ZBTB20: variants seen among roughly 807,000 people sequenced by gnomAD.
ZBTB20 encodes zinc finger and BTB domain-containing protein 20.
A neutral mutation model predicts 56.9 loss-of-function variants in ZBTB20; 9 were observed. That is an observed-to-expected ratio of 0.16 (90% CI 0.10 to 0.28). ZBTB20 has a LOEUF of 0.28. ZBTB20 is among the 10% of genes least tolerant of loss of function. The pLI is 1.00. For synonymous variants in ZBTB20, 417 were observed against 420.7 expected (o/e 0.99, Z 0.11); for missense variants, 655 against 1,003.0 (o/e 0.65, Z 4.69).
intron 6 of ZBTB20, among the ~76,000 whole-genome samples, chr3:114,544,352 G>A (rs1432760649): frequency 3.3e-5 from 5 of 151,668 alleles, no homozygotes; most frequent in African/African-American, 1.2e-4. Context: ...AGATAAAAAG[G>A]CACATAACCT....
intron 3 of ZBTB20, among the ~76,000 whole-genome samples, chr3:114,912,178 T>C (rs2075568932): frequency 6.8e-6 from 1 of 146,952 alleles, no homozygotes; most frequent in Admixed American, 6.8e-5. Flanking sequence ...CCACAAAAGC[T>C]GTCCTTCAAA....
intron 6 of ZBTB20, among the ~76,000 whole-genome samples, chr3:114,637,116 G>A (rs1013275220): frequency 6.6e-6 from 1 of 152,072 alleles, no homozygotes; most frequent in East Asian, 1.9e-4. Context: ...TAACAAGAAA[G>A]TGATTAATTC....
chr3:114,421,518 T>C (rs1172593239), intron 7 of ZBTB20, among the ~76,000 whole-genome samples: 1 of 152,170 alleles, frequency 6.6e-6, no homozygotes, highest in African/African-American at 2.4e-5. Flanking sequence ...AAAACTTTTG[T>C]ACTGGGTCAT....
At chr3:114,474,548 C>T (rs540192916) in intron 7 of ZBTB20, among the ~76,000 whole-genome samples, 5 of 152,216 alleles carry the variant, frequency 3.3e-5, no homozygotes, top group Admixed American at 6.5e-5. Context: ...TCTCCAAGCC[C>T]GGCCCTTCTG....
chr3:114,647,207 C>G (rs2059895186), intron 6 of ZBTB20, among the ~76,000 whole-genome samples: 1 of 152,180 alleles, frequency 6.6e-6, no homozygotes, highest in South Asian at 2.1e-4. Context: ...ATCCACCCGC[C>G]TTGGCCTCCC....
At chr3:114,699,435 T>C (rs559252247) in intron 5 of ZBTB20, among the ~76,000 whole-genome samples, 1 of 152,016 alleles carries the variant, frequency 6.6e-6, no homozygotes, top group East Asian at 1.9e-4. Context: ...TTTTCTTGGT[T>C]AAACAGTTTT....
intron 6 of ZBTB20, chr3:114,624,202 C>CCCG (rs2058509095): frequency 6.6e-6 from 1 of 152,008 alleles, no homozygotes; most frequent in Admixed American, 6.6e-5. Flanking sequence ...TGTTAAGCTC[C>CCCG]CTGCTCTGAT....
At chr3:115,063,681 ACAAACAC>A (rs1560539094) in intron 2 of ZBTB20, among the ~76,000 whole-genome samples, 31 of 151,028 alleles carry the variant, frequency 2.1e-4, no homozygotes, top group Middle Eastern at 3.4e-3. Flanking sequence ...ACACACACAC[ACAAACAC>A]ACACACACAG....
At chr3:114,892,233 T>G (rs893811753) in intron 4 of ZBTB20, among the ~76,000 whole-genome samples, 1 of 152,222 alleles carries the variant, frequency 6.6e-6, no homozygotes, top group Non-Finnish European at 1.5e-5. Flanking sequence ...TCCGTCTTGC[T>G]AAGGAAGTGT....
rs569488750 is a variant in ZBTB20, at chr3:114,333,780, G to C, written c.*5225C>G. 1 of 152,126 alleles carries C rather than the reference G, an allele frequency of 6.6e-6. No individual in the cohort carries two copies. Among genetic ancestry groups the C allele is most frequent in the Non-Finnish European group, 1.5e-5 (1 of 68,020 alleles). The allele number at this position is 152,126 out of a possible 1,614,324, so 9.4% of individuals were successfully genotyped here. On this transcript the variant is annotated 3_prime_UTR_variant, in exon 12 of 12. Coordinates refer to ENST00000675478, the MANE Select transcript of ZBTB20 (RefSeq NM_001348800.3). ...GAAATCACTGAAAAGAGAGTCTGTC[G>C]ACCCTGCCCATGGAAAAGCCCAGAG...
At chr3:114,800,105 A>G (rs538429307) in intron 5 of ZBTB20, among the ~76,000 whole-genome samples, 2 of 152,068 alleles carry the variant, frequency 1.3e-5, no homozygotes, top group South Asian at 4.1e-4. Context: ...CTCTTAGCGA[A>G]AGAACTTGCA....
At chr3:114,925,019 C>G (rs1179245260) in intron 3 of ZBTB20, among the ~76,000 whole-genome samples, 1 of 120,158 alleles carries the variant, frequency 8.3e-6, no homozygotes, top group Non-Finnish European at 1.6e-5. Flanking sequence ...AAGTCTTGCT[C>G]TGTCGCCAGG....
At chr3:114,487,608 C>G (rs1488860806) in intron 7 of ZBTB20, among the ~76,000 whole-genome samples, 1 of 152,172 alleles carries the variant, frequency 6.6e-6, no homozygotes, top group African/African-American at 2.4e-5. Context: ...CAGCTTTGTA[C>G]AACTCCTGAC....
At chr3:114,831,437 G>A (rs2073839527) in intron 4 of ZBTB20, among the ~76,000 whole-genome samples, 1 of 151,866 alleles carries the variant, frequency 6.6e-6, no homozygotes, top group South Asian at 2.1e-4. Flanking sequence ...AGTTAATGTG[G>A]CTCTTGTGAA....
chr3:114,408,858 C>T (rs905710154), intron 7 of ZBTB20, among the ~76,000 whole-genome samples: 2 of 152,118 alleles, frequency 1.3e-5, no homozygotes, highest in Non-Finnish European at 2.9e-5. Flanking sequence ...GAAGGAGCTC[C>T]TCTCTAGCTG....
At chr3:114,412,507 C>T (rs1488900058) in intron 7 of ZBTB20, among the ~76,000 whole-genome samples, 1 of 152,130 alleles carries the variant, frequency 6.6e-6, no homozygotes, top group East Asian at 1.9e-4. Flanking sequence ...GAAGGGATTT[C>T]TCACCGGGAT....
At position 114,328,138 on chromosome 3, in the gene ZBTB20, C is replaced by G. The variant is rs1300971536; in HGVS notation, c.*10867G>C. On this transcript the variant is annotated 3_prime_UTR_variant, in exon 12 of 12. Transcript: ENST00000675478. ...TATATTAAGTTTATGTTTAGGCAATCTCTGGTTGCAAAAACAGACACTTTC... is the reference window on the plus strand; with the variant it reads ...TATATTAAGTTTATGTTTAGGCAATGTCTGGTTGCAAAAACAGACACTTTC... The G allele has an allele frequency of 6.6e-6, 1 of 152,110 alleles. No homozygotes were observed. The highest frequency in any genetic ancestry group is 1.5e-5 in the Non-Finnish European group (1 of 68,012). The allele number at this position is 152,110 out of a possible 1,614,324, so 9.4% of individuals were successfully genotyped here. A position where few individuals can be genotyped will look rare whatever the true frequency, so the allele number is the denominator to read the frequency against.
chr3:114,687,172 A>G (rs1244262359), intron 6 of ZBTB20: 1 of 152,110 alleles, frequency 6.6e-6, no homozygotes, highest in Non-Finnish European at 1.5e-5. Flanking sequence ...ATATGTAGCA[A>G]ATGAATGCAT....
chr3:115,102,760 A>T (rs1319967794), intron 1 of ZBTB20: 1 of 152,178 alleles, frequency 6.6e-6, no homozygotes, highest in Admixed American at 6.5e-5. Flanking sequence ...CAAGGTCAGG[A>T]GTTCGAGACC....
Sources: gnomAD v4.1 joint callset for allele counts (sites outside exome capture counted in the v4.1 genomes callset) on GRCh38, gnomAD v4.1.1 for gene constraint, MANE v1.5 for transcripts, NCBI Gene and HGNC (gene_info 2026-07-23, HGNC 2026-07-21) for gene names.